Variants in CFAP161 observed in about 807,000 individuals in gnomAD.
CFAP161 encodes cilia- and flagella-associated protein 161.
Under a neutral mutation model 29.0 loss-of-function variants are expected in CFAP161, and 25 were observed. The ratio of observed to expected loss-of-function variants is 0.86; its 90% CI spans 0.63 to 1.20. The LOEUF is 1.20. CFAP161 is among the 50% of genes most tolerant of loss of function. CFAP161 has a pLI of 0.00. For synonymous variants in CFAP161, 116 were observed against 137.4 expected (o/e 0.84, Z 1.09); for missense variants, 367 against 371.9 (o/e 0.99, Z 0.11).
intron 1 of CFAP161, among the ~76,000 whole-genome samples, chr15:81,126,942 G>C (rs1471718963): frequency 6.6e-6 from 1 of 152,166 alleles, no homozygotes; most frequent in Non-Finnish European, 1.5e-5. Flanking sequence ...GAGAGATAGA[G>C]AACATGTAAG....
At chr15:81,139,499 TAG>T (rs1205686374) in intron 4 of CFAP161, among the ~76,000 whole-genome samples, 1 of 152,160 alleles carries the variant, frequency 6.6e-6, no homozygotes, top group Non-Finnish European at 1.5e-5. Context: ...TTTTAAAACT[TAG>T]ATAAATATAC....
At position 81,121,911 on chromosome 15, in the gene CFAP161, A is replaced by G. The variant is rs534732670; in HGVS notation, c.-141-5679A>G. ...GCCCCACTGTGTATTGTTCCCTTCT[A>G]TGCGTCCATGTGTTCTCATCATTTA... On this transcript the variant is annotated intron_variant, in intron 1 of 4. Coordinates refer to the CFAP161 transcript ENST00000560091. 3.9e-5 allele frequency among the ~76,000 whole-genome samples: 6 copies of G among 152,198 alleles called. No individual in the cohort carries two copies. The East Asian group carries it at 5.8e-4, about 15-fold the overall frequency.
At chr15:81,128,596 T>A (rs1894670369) in intron 2 of CFAP161, among the ~76,000 whole-genome samples, 1 of 152,168 alleles carries the variant, frequency 6.6e-6, no homozygotes, top group African/African-American at 2.4e-5. Flanking sequence ...TGCAATTACC[T>A]CCTCCATTAA....
chr15:81,136,797 C>A, intron 3 of CFAP161, 49 bp downstream of exon 3: 2 of 1,500,226 alleles, frequency 1.3e-6, no homozygotes, highest in South Asian at 1.2e-5. Context: ...ATATGTTTCA[C>A]TTGTAGCTTA....
At chr15:81,117,543 C>CT (rs35047343) in intron 1 of CFAP161, 15,182 of 135,424 alleles carry the variant, frequency 0.11, 860 homozygotes, top group East Asian at 0.17. Flanking sequence ...ATCACAGCTA[C>CT]TTTTTTTTTT....
intron 2 of CFAP161, among the ~76,000 whole-genome samples, chr15:81,127,965 T>G (rs1313234489): frequency 6.6e-6 from 1 of 152,260 alleles, no homozygotes; most frequent in Non-Finnish European, 1.5e-5. Context: ...AGATTAGGAC[T>G]ACATAGTTGT....
At chr15:81,114,534 A>T (rs903475081) in intron 1 of CFAP161, among the ~76,000 whole-genome samples, 4 of 152,218 alleles carry the variant, frequency 2.6e-5, no homozygotes, top group African/African-American at 9.6e-5. Flanking sequence ...TCACATGTCA[A>T]TCTAAACAAA....
chr15:81,117,349 C>T (rs548499245), intron 1 of CFAP161, among the ~76,000 whole-genome samples: 1 of 152,184 alleles, frequency 6.6e-6, no homozygotes, highest in African/African-American at 2.4e-5. Flanking sequence ...GGTTGACTCA[C>T]CAATCACAGC....
intron 1 of CFAP161, among the ~76,000 whole-genome samples, chr15:81,124,992 A>T (rs952982129): frequency 5.9e-5 from 9 of 151,764 alleles, no homozygotes; most frequent in African/African-American, 1.7e-4. Flanking sequence ...CAGTTAAAAA[A>T]TTTTTTTTAT....
chr15:81,145,116 G>A (rs915725415), intron 5 of CFAP161, among the ~76,000 whole-genome samples: 2 of 152,196 alleles, frequency 1.3e-5, no homozygotes, highest in East Asian at 1.9e-4. Flanking sequence ...GCCAGGGTTC[G>A]CTTGCTACTG....
intron 3 of CFAP161, among the ~76,000 whole-genome samples, chr15:81,136,960 T>C (rs1328062086): frequency 2.6e-5 from 4 of 152,198 alleles, no homozygotes; most frequent in Non-Finnish European, 5.9e-5. Context: ...TGTGTTCAAT[T>C]CAAAATGCTT....
chr15:81,123,286 T>G (rs1894599079), intron 1 of CFAP161, among the ~76,000 whole-genome samples: 2 of 152,226 alleles, frequency 1.3e-5, no homozygotes, highest in South Asian at 4.1e-4. Context: ...CCAGCATTAT[T>G]TATTAAATGG....
At chr15:81,141,550 C>G (rs1039800868) in intron 4 of CFAP161, among the ~76,000 whole-genome samples, 2 of 152,080 alleles carry the variant, frequency 1.3e-5, no homozygotes, top group Non-Finnish European at 2.9e-5. Flanking sequence ...GGTTTCTTGT[C>G]TTTGAATTAG....
At chr15:81,117,630 G>T in intron 1 of CFAP161, 1 of 242,640 alleles carries the variant, frequency 4.1e-6, no homozygotes, top group Admixed American at 5.1e-5. Context: ...AGGTGGTCTG[G>T]GGTCTTAACC....
intron 1 of CFAP161, among the ~76,000 whole-genome samples, chr15:81,105,746 A>G: frequency 6.6e-6 from 1 of 152,226 alleles, no homozygotes; most frequent in East Asian, 1.9e-4. Context: ...ACGCAGGCAG[A>G]AGATTATTAA....
chr15:81,135,898 A>G (rs557098078), intron 2 of CFAP161, among the ~76,000 whole-genome samples: 27 of 152,296 alleles, frequency 1.8e-4, no homozygotes, highest in African/African-American at 6.0e-4. Flanking sequence ...TAGAAATACC[A>G]TTTGACCCAG....
chr15:81,102,459 G>A (rs1469720153), intron 1 of CFAP161, among the ~76,000 whole-genome samples: 14 of 152,086 alleles, frequency 9.2e-5, no homozygotes, highest in Non-Finnish European at 1.6e-4. Context: ...CTTGAGCCCA[G>A]GAGTTCAAGA....
chr15:81,133,174 A>AGC (rs1894734715), upstream of CFAP161, among the ~76,000 whole-genome samples: 1 of 109,490 alleles, frequency 9.1e-6, no homozygotes, highest in Non-Finnish European at 1.8e-5. Flanking sequence ...GCCCTTCATC[A>AGC]GCATATATAT....
intron 5 of CFAP161, among the ~76,000 whole-genome samples, chr15:81,147,084 G>A (rs1025655103): frequency 6.6e-6 from 1 of 151,364 alleles, no homozygotes; most frequent in South Asian, 2.1e-4. Flanking sequence ...TGCTCCCTCT[G>A]CCCTGTGTTT....
Sources: allele counts gnomAD v4.1 joint callset (sites outside exome capture counted in the v4.1 genomes callset), GRCh38; gene constraint gnomAD v4.1.1; transcripts MANE v1.5; gene names NCBI Gene and HGNC (gene_info 2026-07-23, HGNC 2026-07-21).